Variants in CTNNA2 observed in about 807,000 individuals in gnomAD.
The protein encoded by CTNNA2 is catenin alpha 2.
A neutral mutation model predicts 101.0 loss-of-function variants in CTNNA2; 42 were observed. That is an observed-to-expected ratio of 0.42 (90% CI 0.32 to 0.54). The LOEUF is 0.54. CTNNA2 is among the 20% of genes least tolerant of loss of function. CTNNA2 has a pLI of 0.14. For synonymous variants in CTNNA2, 450 were observed against 456.4 expected, an observed-to-expected ratio of 0.99 and a Z score of 0.18; for missense variants, 871 against 1,223.1, an observed-to-expected ratio of 0.71 and a Z score of 4.29.
chr2:80,565,457 T>G (rs545755997), intron 12 of CTNNA2, among the ~76,000 whole-genome samples: 1 of 151,566 alleles, frequency 6.6e-6, no homozygotes, highest in Non-Finnish European at 1.5e-5. Context: ...CAAAACAAAT[T>G]GTACCAACTT....
intron 7 of CTNNA2, among the ~76,000 whole-genome samples, chr2:79,953,157 C>T (rs923346515): frequency 6.6e-6 from 1 of 152,188 alleles, no homozygotes; most frequent in East Asian, 1.9e-4. Context: ...TCCTTCAGAG[C>T]CCTTCTCCAA....
At chr2:79,272,036 G>A (rs1366157211) in intron 2 of CTNNA2, among the ~76,000 whole-genome samples, 1 of 151,956 alleles carries the variant, frequency 6.6e-6, no homozygotes, top group African/African-American at 2.4e-5. Context: ...GTGACTTACA[G>A]CAATAATAAT....
At chr2:80,560,525 G>A (rs1043471775) in intron 12 of CTNNA2, among the ~76,000 whole-genome samples, 1 of 152,066 alleles carries the variant, frequency 6.6e-6, no homozygotes, top group Non-Finnish European at 1.5e-5. Flanking sequence ...ACTGTTTCTG[G>A]CTTCCTGGTG....
intron 4 of CTNNA2, among the ~76,000 whole-genome samples, chr2:79,476,082 T>G (rs940404124): frequency 6.6e-6 from 1 of 152,188 alleles, no homozygotes; most frequent in African/African-American, 2.4e-5. Flanking sequence ...GAGAATCAAT[T>G]TGTAGAAACT....
chr2:79,401,049 CTG>C (rs1397614249), intron 4 of CTNNA2, among the ~76,000 whole-genome samples: 3 of 151,722 alleles, frequency 2.0e-5, no homozygotes, highest in Admixed American at 6.6e-5. Flanking sequence ...ACAGAGAAAA[CTG>C]AGAGAATTTA....
intron 7 of CTNNA2, among the ~76,000 whole-genome samples, chr2:79,934,705 G>A (rs72807334): frequency 6.6e-6 from 1 of 152,152 alleles, no homozygotes; most frequent in Non-Finnish European, 1.5e-5. Flanking sequence ...TACCAGATGT[G>A]ATATACAGAG....
At chr2:79,682,549 T>A (rs7582593) in intron 2 of CTNNA2, among the ~76,000 whole-genome samples, 21,300 of 151,966 alleles carry the variant, frequency 0.14, 1,605 homozygotes, top group South Asian at 0.21. Flanking sequence ...GTTTCAAATA[T>A]GCTCATAAAA....
At chr2:80,468,084 A>G (rs1231083953) in intron 9 of CTNNA2, among the ~76,000 whole-genome samples, 1 of 152,138 alleles carries the variant, frequency 6.6e-6, no homozygotes, top group Non-Finnish European at 1.5e-5. Flanking sequence ...TCCTTAGAGT[A>G]TCTTGTGAGG....
rs749722805 is a variant in CTNNA2, at chr2:80,589,254, C to T, written c.2008-50C>T. The stretch of plus-strand genomic sequence containing the variant: ...GCAGAAGGCAGAGTCAACATACGGT[C>T]TGTACTTCCTTTGTCACCGTCACTC... On this transcript the variant is annotated intron_variant, in intron 14 of 18. Coordinates refer to ENST00000402739, the MANE Select transcript of CTNNA2 (RefSeq NM_001282597.3). 2.5e-6 allele frequency: 4 copies of T among 1,584,066 alleles called. No individual in the cohort carries two copies. In the Admixed American group the frequency reaches 5.1e-5, roughly 20 times the overall value.
At chr2:80,474,005 T>A (rs1287372830) in intron 9 of CTNNA2, among the ~76,000 whole-genome samples, 2 of 152,212 alleles carry the variant, frequency 1.3e-5, no homozygotes, top group Non-Finnish European at 2.9e-5. Context: ...ACAGCTTCAA[T>A]GCAGGCACAG....
At chr2:79,244,984 A>G (rs1288376554) in intron 2 of CTNNA2, among the ~76,000 whole-genome samples, 2 of 152,086 alleles carry the variant, frequency 1.3e-5, no homozygotes, top group Non-Finnish European at 2.9e-5. Context: ...AATCCCAGCT[A>G]CTACGGAGGC....
intron 3 of CTNNA2, among the ~76,000 whole-genome samples, chr2:79,354,413 ATT>A (rs1346120991): frequency 6.6e-6 from 1 of 152,052 alleles, no homozygotes; most frequent in Non-Finnish European, 1.5e-5. Context: ...GATGGCATTG[ATT>A]CAAAGGACAT....
At chr2:79,638,466 A>G (rs1303369966) in intron 1 of CTNNA2, among the ~76,000 whole-genome samples, 7 of 152,216 alleles carry the variant, frequency 4.6e-5, no homozygotes, top group African/African-American at 1.7e-4. Flanking sequence ...GTCAGTCCTC[A>G]CTGTGAAAGA....
intron 1 of CTNNA2, among the ~76,000 whole-genome samples, chr2:79,521,088 G>C (rs2103872894): frequency 9.1e-6 from 1 of 109,580 alleles, no homozygotes. Context: ...ACCCCTTTGA[G>C]ATAGAAAACA....
intron 7 of CTNNA2, among the ~76,000 whole-genome samples, chr2:80,039,387 C>T (rs1695884497): frequency 6.6e-6 from 1 of 152,164 alleles, no homozygotes; most frequent in Non-Finnish European, 1.5e-5. Flanking sequence ...ATGTGGAGCC[C>T]ACGGGCAGTT....
chr2:80,181,209 G>A (rs1158366984), intron 7 of CTNNA2, among the ~76,000 whole-genome samples: 3 of 152,154 alleles, frequency 2.0e-5, no homozygotes, highest in African/African-American at 7.2e-5. Context: ...GTCTTGCCTA[G>A]CAACTGCCTC....
chr2:79,854,867 C>T (rs1681004864), intron 3 of CTNNA2, among the ~76,000 whole-genome samples: 1 of 152,100 alleles, frequency 6.6e-6, no homozygotes, highest in South Asian at 2.1e-4. Context: ...TATTTCTTAG[C>T]GAAATATTTC....
At chr2:79,206,616 C>G (rs17016552) in intron 2 of CTNNA2, among the ~76,000 whole-genome samples, 58,728 of 151,962 alleles carry the variant, frequency 0.39, 11,919 homozygotes, top group Admixed American at 0.5. Flanking sequence ...TATGAGTGAC[C>G]ATGATACATC....
chr2:79,942,777 A>G (rs1688243063), intron 7 of CTNNA2, among the ~76,000 whole-genome samples: 1 of 152,150 alleles, frequency 6.6e-6, no homozygotes, highest in Non-Finnish European at 1.5e-5. Context: ...GTGTTCTACA[A>G]AAATTTTCCT....
Sources: gnomAD v4.1 joint callset for allele counts (sites outside exome capture counted in the v4.1 genomes callset) on GRCh38, gnomAD v4.1.1 for gene constraint, MANE v1.5 for transcripts, NCBI Gene and HGNC (gene_info 2026-07-23, HGNC 2026-07-21) for gene names.